Variants in MOV10 observed in about 807,000 individuals in gnomAD.
The protein encoded by MOV10 is Mov10 RNA helicase, also known as RNA helicase MOV-10.
In MOV10, 39 loss-of-function variants were observed where a neutral mutation model predicts 108.4. The observed-to-expected ratio is 0.36, with a 90% CI of 0.28 to 0.47. The LOEUF is 0.47. Among genes scored for constraint, MOV10 ranks in the 20% least tolerant of loss-of-function variants. The pLI is 1.00. For synonymous variants in MOV10, 490 were observed against 523.1 expected, an observed-to-expected ratio of 0.94 and a Z score of 0.86; for missense variants, 952 against 1,297.6, an observed-to-expected ratio of 0.73 and a Z score of 4.09.
chr1:112,674,734 G>C lies in MOV10; in HGVS notation c.-66+5G>C, dbSNP rs1672037805. The C allele has an allele frequency of 3.6e-6, 2 of 561,892 alleles. No homozygotes were observed. Among genetic ancestry groups the C allele is most frequent in the African/African-American group, 4.0e-5 (2 of 49,990 alleles). The allele number at this position is 561,892 out of a possible 1,614,324, so 34.8% of individuals were successfully genotyped here. On this transcript the variant is annotated splice_donor_5th_base_variant and intron_variant, in intron 1 of 20. Coordinates refer to ENST00000369645, the MANE Select transcript of MOV10 (RefSeq NM_001321324.2). ...GAAACCGAAGGGAAAGCTCAGGTAA[G>C]AAAAGAACGGAGGAGGGAAGCCTGG...
Position 112,696,785 on chromosome 1 carries a change from T to C in MOV10, c.2137T>C (p.Tyr713His), listed in dbSNP as rs1674132749. 2 of 1,606,104 alleles carry C rather than the reference T, an allele frequency of 1.2e-6. No homozygotes were observed. The highest frequency in any genetic ancestry group is 1.7e-6 in the Non-Finnish European group (2 of 1,176,024). ...GCGGCTGCTCACCTACAACTCCCTG[T>C]ACAAGAAGGGCCCTGATGGCTATGA... ...LERLLTYNSLYKKGPDGYDPQ... is the reference protein window; with the variant it reads ...LERLLTYNSLHKKGPDGYDPQ... The change falls in exon 14 of 21, where the codon TAC becomes CAC. Residue 713 changes from tyrosine to histidine, a missense_variant. Tyr to His is a moderately conservative substitution (Grantham distance 83, BLOSUM62 2). Coordinates refer to ENST00000369645, the MANE Select transcript of MOV10 (RefSeq NM_001321324.2).
intron 12 of MOV10, 25 bp from the exon 13 acceptor site, chr1:112,696,412 C>T (rs1167200535): frequency 2.5e-6 from 4 of 1,581,950 alleles, no homozygotes; most frequent in African/African-American, 2.7e-5. Context: ...TGGATATGAC[C>T]CCTGCCTGGC....
At chr1:112,679,026 G>C (rs1482366470) in intron 2 of MOV10, among the ~76,000 whole-genome samples, 1 of 151,910 alleles carries the variant, frequency 6.6e-6, no homozygotes, top group African/African-American at 2.4e-5. Flanking sequence ...AAAAACCCTG[G>C]CTTTGACCCG....
intron 6 of MOV10, among the ~76,000 whole-genome samples, chr1:112,692,387 G>A (rs1010194210): frequency 1.3e-5 from 2 of 152,210 alleles, no homozygotes; most frequent in African/African-American, 2.4e-5. Context: ...TAGGGAATGG[G>A]TTGGTGCTGC....
Position 112,696,523 on chromosome 1 carries a change from T to G in MOV10, c.1970T>G (p.Val657Gly). 6.2e-7 allele frequency: 1 copy of G among 1,613,730 alleles called. No individual in the cohort carries two copies. Among genetic ancestry groups the G allele is most frequent in the South Asian group, 1.1e-5 (1 of 91,072 alleles). Residue 657 changes from valine (V) to glycine (G), a missense_variant, in exon 13 of 21, where the codon GTA becomes GGA. Physicochemically the swap from Val to Gly is moderately radical, Grantham distance 109. Around this residue, in one of 5 missense-constraint regions of MOV10, gnomAD observed 453 missense variants for 611.5 expected, o/e 0.74. Coordinates refer to ENST00000369645, the MANE Select transcript of MOV10 (RefSeq NM_001321324.2). ...AGHCMEPESL[V>G]AIAGLMEVKE... ...CACTGCATGGAGCCTGAGAGTCTGG[T>G]AGCTATAGCAGGTGAGGGACTCAGG...
At chr1:112,692,995 A>C (rs113286998) in intron 7 of MOV10, 66 bp downstream of exon 7, 145 of 1,466,014 alleles carry the variant, frequency 9.9e-5, no homozygotes, top group Non-Finnish European at 4.7e-5. Context: ...CTGTGGGCAG[A>C]ACTATTCCTG....
chr1:112,698,472 G>C lies in MOV10; in HGVS notation c.2502G>C (p.Arg834=). The change falls in exon 16 of 21, where the codon CGG becomes CGC. Residue 834 remains arginine, a synonymous_variant. Transcript: ENST00000369645. ...GTGTGGGCGTCATCTCCCCGTACCG[G>C]AAACAGGTCAGGTCCTCAGTTACCA... is the stretch of plus-strand genomic sequence containing the variant. ...PRSVGVISPY[R]KQVEKIRYCI... 6.2e-7 allele frequency: 1 copy of C among 1,613,846 alleles called. No individual in the cohort carries two copies. Among genetic ancestry groups the C allele is most frequent in the Non-Finnish European group, 8.5e-7 (1 of 1,179,954 alleles).
chr1:112,687,461 G>A (rs1248908909), intron 2 of MOV10, among the ~76,000 whole-genome samples: 3 of 152,206 alleles, frequency 2.0e-5, no homozygotes, highest in African/African-American at 4.8e-5. Flanking sequence ...TTAAGGGAGG[G>A]TGTCAGTCAT....
chr1:112,692,736 C>A, intron 6 of MOV10, 25 bp from the exon 7 acceptor site: 1 of 1,612,400 alleles, frequency 6.2e-7, no homozygotes, highest in Non-Finnish European at 8.5e-7. Flanking sequence ...TGCCCCCACT[C>A]ACCCCTCCCA....
chr1:112,697,270 G>T (rs1292598855), intron 14 of MOV10, among the ~76,000 whole-genome samples: 1 of 152,134 alleles, frequency 6.6e-6, no homozygotes, highest in Non-Finnish European at 1.5e-5. Flanking sequence ...AGGAGTTTGA[G>T]ACCAGCCTGT....
intron 5 of MOV10, among the ~76,000 whole-genome samples, chr1:112,690,579 C>T (rs1232716378): frequency 1.3e-5 from 2 of 152,140 alleles, no homozygotes; most frequent in Admixed American, 6.5e-5. Context: ...AGGCTGGTCT[C>T]GAACTCCTGA....
At chr1:112,680,741 C>T (rs1465465105) in intron 2 of MOV10, among the ~76,000 whole-genome samples, 1 of 124,518 alleles carries the variant, frequency 8.0e-6, no homozygotes, top group African/African-American at 2.9e-5. Context: ...CTCTCTCTGT[C>T]ACTTAGGCTG....
rs962751631 is a variant in MOV10, at chr1:112,697,979, C to G, written c.2199-15C>G. 7 of 1,608,662 alleles carry G rather than the reference C, an allele frequency of 4.4e-6. No individual in the cohort carries two copies. The highest frequency in any genetic ancestry group is 6.0e-6 in the Non-Finnish European group (7 of 1,175,076). On this transcript the variant is annotated splice_polypyrimidine_tract_variant and intron_variant, in intron 14 of 20. Transcript: ENST00000369645. The stretch of plus-strand genomic sequence containing the variant: ...TCTGACCCTTGGTCTTGCTTTTCCT[C>G]CTCCGGCCTCCCAGGTCTCATCCCA...
chr1:112,688,676 C>T, intron 2 of MOV10: 1 of 1,374,856 alleles, frequency 7.3e-7, no homozygotes, highest in Non-Finnish European at 9.4e-7. Flanking sequence ...GGGCTTTTCC[C>T]CTCAGAAACG....
intron 2 of MOV10, among the ~76,000 whole-genome samples, chr1:112,679,610 A>T (rs1411970108): frequency 6.6e-6 from 1 of 151,988 alleles, no homozygotes. Context: ...TAGGGGTATG[A>T]AGCCAGAGGT....
intron 2 of MOV10, chr1:112,687,249 A>C (rs1165455215): frequency 3.0e-6 from 1 of 328,300 alleles, no homozygotes; most frequent in African/African-American, 2.2e-5. Context: ...AAAACAAATC[A>C]TAGCCAATTC....
chr1:112,690,773 C>T (rs758322952), intron 5 of MOV10, among the ~76,000 whole-genome samples: 20 of 152,178 alleles, frequency 1.3e-4, no homozygotes, highest in Non-Finnish European at 2.5e-4. Flanking sequence ...ATATGTGACA[C>T]TATCACCACC....
intron 2 of MOV10, chr1:112,688,274 AGCCTTGAG>A: frequency 1.2e-6 from 1 of 847,952 alleles, no homozygotes; most frequent in Non-Finnish European, 1.4e-6. Flanking sequence ...CCAGGCACTG[AGCCTTGAG>A]GTTATTGTCC....
chr1:112,700,049 T>G, intron 19 of MOV10, 67 bp downstream of exon 19: 1 of 1,598,268 alleles, frequency 6.3e-7, no homozygotes. Flanking sequence ...GTGGATCTTT[T>G]TTAAGCGCTT....
Sources: allele counts gnomAD v4.1 joint callset (sites outside exome capture counted in the v4.1 genomes callset), GRCh38; gene constraint gnomAD v4.1.1; regional missense constraint gnomAD v4.1.1; transcripts MANE v1.5; gene names NCBI Gene and HGNC (gene_info 2026-07-23, HGNC 2026-07-21).